The following SH3PXD2B variants were observed in gnomAD, a reference collection of about 807,000 sequenced individuals.
SH3PXD2B encodes SH3 and PX domain-containing protein 2B.
Under a neutral mutation model 73.1 loss-of-function variants are expected in SH3PXD2B, and 37 were observed. The ratio of observed to expected loss-of-function variants is 0.51; its 90% CI spans 0.39 to 0.67. The LOEUF is 0.67. SH3PXD2B is among the 30% of genes least tolerant of loss of function. The pLI is 0.00. For missense variants in SH3PXD2B, 1,053 were observed against 1,197.8 expected (o/e 0.88, Z 1.78); for synonymous variants, 457 against 480.5 (o/e 0.95, Z 0.64).
At chr5:172,397,732 A>G (rs6556022) in intron 3 of SH3PXD2B, among the ~76,000 whole-genome samples, 72,933 of 152,146 alleles carry the variant, frequency 0.48, 18,478 homozygotes, top group East Asian at 0.69. Context: ...GTGGGAACCC[A>G]ATTCCCTTTG....
rs141236241 is a variant in SH3PXD2B at position 172,418,961 on chromosome 5, G to A, written c.156+3455C>T. On this transcript the variant is annotated intron_variant, in intron 2 of 12. Transcript: ENST00000311601. ...AACCCTGGCTCAAGCATTCCCAAAG[G>A]GTATCAGCTTGGGCAAGTCACACCT... Among the ~76,000 whole-genome samples, 24 of 152,262 alleles carry A rather than the reference G, an allele frequency of 1.6e-4. No individual in the cohort carries two copies. The East Asian group carries it at 3.7e-3, about 23-fold the overall frequency.
At chr5:172,400,854 A>G (rs1243228747) in intron 3 of SH3PXD2B, among the ~76,000 whole-genome samples, 1 of 152,228 alleles carries the variant, frequency 6.6e-6, no homozygotes, top group East Asian at 1.9e-4. Flanking sequence ...AGGAATCTGC[A>G]TTCTGGTAAC....
chr5:172,392,139 AGAATAT>A (rs1364553914), intron 4 of SH3PXD2B, among the ~76,000 whole-genome samples: 4 of 151,860 alleles, frequency 2.6e-5, no homozygotes, highest in Non-Finnish European at 5.9e-5. Flanking sequence ...CCAAGCCCCT[AGAATAT>A]GAATATATTT....
At chr5:172,376,106 T>C (rs1262774003) in intron 5 of SH3PXD2B, among the ~76,000 whole-genome samples, 1 of 151,502 alleles carries the variant, frequency 6.6e-6, no homozygotes, top group Non-Finnish European at 1.5e-5. Context: ...CTTGGCTCAC[T>C]GCAACCTCTG....
rs570274984 is a variant in SH3PXD2B at position 172,445,027 on chromosome 5, C to T, written c.75+9251G>A. Among the ~76,000 whole-genome samples the T allele has an allele frequency of 1.3e-4, 20 of 152,288 alleles. No homozygotes were observed. The highest frequency in any genetic ancestry group is 4.8e-4 in the African/African-American group (20 of 41,558). ...CAAACACGCCATGTGCCAGGGTTTCCATTTCTTTGCCCTCCTGTTCTCTCT... is the reference window on the plus strand; with the variant it reads ...CAAACACGCCATGTGCCAGGGTTTCTATTTCTTTGCCCTCCTGTTCTCTCT... On this transcript the variant is annotated intron_variant, in intron 1 of 12. Coordinates refer to ENST00000311601, the MANE Select transcript of SH3PXD2B (RefSeq NM_001017995.3). This position sits in a 1 kb window ranked among gnomAD's most constrained non-coding sequence, Gnocchi z 5.2.
At chr5:172,418,160 T>G (rs1414115157) in intron 2 of SH3PXD2B, among the ~76,000 whole-genome samples, 4 of 152,202 alleles carry the variant, frequency 2.6e-5, no homozygotes. Flanking sequence ...CTGTGTGACT[T>G]CGGGCGAACC....
chr5:172,408,684 GC>G (rs1758620768), intron 2 of SH3PXD2B, among the ~76,000 whole-genome samples: 1 of 151,432 alleles, frequency 6.6e-6, no homozygotes, highest in Non-Finnish European at 1.5e-5. Flanking sequence ...GATTACAGGC[GC>G]CTGCCTAACT....
chr5:172,368,041 T>C (rs959564757), intron 6 of SH3PXD2B, among the ~76,000 whole-genome samples: 1 of 152,224 alleles, frequency 6.6e-6, no homozygotes, highest in African/African-American at 2.4e-5. Context: ...AATTCACTTA[T>C]ATCTTTGGTT....
chr5:172,365,284 C>T (rs1757488947), intron 6 of SH3PXD2B, among the ~76,000 whole-genome samples: 1 of 152,204 alleles, frequency 6.6e-6, no homozygotes, highest in South Asian at 2.1e-4. Flanking sequence ...AACACAGCTG[C>T]CCTGCAAGCT....
In SH3PXD2B at chr5:172,338,303, G is replaced by A; in HGVS notation, c.*66C>T. ...CTGCGTGGAGAATGATAAATTAAGA[G>A]GCGTATTAAATACGTGGGTAAAGCC... On this transcript the variant is annotated 3_prime_UTR_variant, in exon 13 of 13. Transcript: ENST00000311601. This position sits in a 1 kb window ranked among gnomAD's most constrained non-coding sequence, Gnocchi z 5.1. The A allele has an allele frequency of 6.2e-7, 1 of 1,611,842 alleles. No homozygotes were observed. The highest frequency in any genetic ancestry group is 8.5e-7 in the Non-Finnish European group (1 of 1,179,920).
chr5:172,388,654 G>A (rs993570390), intron 4 of SH3PXD2B, among the ~76,000 whole-genome samples: 1 of 152,212 alleles, frequency 6.6e-6, no homozygotes, highest in Non-Finnish European at 1.5e-5. Flanking sequence ...CCAGGAGTTG[G>A]TGAAGCCCTG....
rs375379917 is a variant in SH3PXD2B, at chr5:172,440,785, C to T, written c.75+13493G>A. On this transcript the variant is annotated intron_variant, in intron 1 of 12. Transcript: ENST00000311601. ...AGTCTCAAGACAGCAATGGTGGAAG[C>T]GACAGACTCTGAACTGGACAGACCT... Among the ~76,000 whole-genome samples the T allele has an allele frequency of 5.3e-5, 8 of 152,124 alleles. No homozygotes were observed. The East Asian group carries it at 7.7e-4, about 15-fold the overall frequency.
At chr5:172,374,651 A>G (rs1757784170) in intron 5 of SH3PXD2B, among the ~76,000 whole-genome samples, 2 of 152,308 alleles carry the variant, frequency 1.3e-5, no homozygotes, top group South Asian at 4.1e-4. Context: ...ACTGCACTCT[A>G]GCCTGGGTGA....
Position 172,335,475 on chromosome 5 carries a change from T to A in SH3PXD2B, c.*2894A>T, listed in dbSNP as rs935827171. 7.3e-6 allele frequency: 9 copies of A among 1,231,016 alleles called. No homozygotes were observed. Among genetic ancestry groups the A allele is most frequent in the Non-Finnish European group, 9.1e-6 (9 of 987,832 alleles). 76.3% of individuals were successfully genotyped at this position (1,231,016 alleles called of 1,614,324 possible). A position where few individuals can be genotyped will look rare whatever the true frequency, so the allele number is the denominator to read the frequency against. On this transcript the variant is annotated 3_prime_UTR_variant, in exon 13 of 13. Transcript: ENST00000311601. ...CAAACTCGAGATCTCAGTCCCAGCTTGGCCACTATTTGGACCTTCTCCCTC... is the reference window on the plus strand; with the variant it reads ...CAAACTCGAGATCTCAGTCCCAGCTAGGCCACTATTTGGACCTTCTCCCTC...
intron 12 of SH3PXD2B, among the ~76,000 whole-genome samples, chr5:172,341,521 C>T (rs550791550): frequency 4.6e-5 from 7 of 152,272 alleles, no homozygotes; most frequent in Middle Eastern, 3.4e-3. Context: ...CTTTGCCTTC[C>T]GCCCTGAGTA....
chr5:172,380,252 G>A (rs188628175), intron 5 of SH3PXD2B, among the ~76,000 whole-genome samples: 18 of 152,094 alleles, frequency 1.2e-4, no homozygotes, highest in Admixed American at 3.3e-4. Flanking sequence ...GTAGAGACAG[G>A]ATCTGACTAT....
chr5:172,329,872 C>CTTA (rs1248427979), downstream of SH3PXD2B, among the ~76,000 whole-genome samples: 2 of 152,018 alleles, frequency 1.3e-5, no homozygotes, highest in Non-Finnish European at 2.9e-5. Context: ...GAACCTGGGC[C>CTTA]TTATTAATAA....
At chr5:172,382,183 G>T in intron 4 of SH3PXD2B, 56 bp from the exon 5 acceptor site, 1 of 1,396,512 alleles carries the variant, frequency 7.2e-7, no homozygotes, top group Middle Eastern at 2.3e-4. Context: ...GAGCATGGTG[G>T]CACGCGCCTA....
In SH3PXD2B at chr5:172,350,260, C is replaced by G. The variant is rs760863106; in HGVS notation, c.1012+103G>C. On this transcript the variant is annotated intron_variant, in intron 10 of 12. Transcript: ENST00000311601. ...TTTTCTTATCTGGAGGATGGGGGAG[C>G]AGCTGGGCTGCTGTGAGGATGAGGG... is the stretch of plus-strand genomic sequence containing the variant. 4 of 1,124,592 alleles carry G rather than the reference C, an allele frequency of 3.6e-6. No individual in the cohort carries two copies. The African/African-American group carries it at 6.2e-5, about 17-fold the overall frequency. The allele number at this position is 1,124,592 out of a possible 1,614,324, so 69.7% of individuals were successfully genotyped here.
Sources: gnomAD v4.1 joint callset for allele counts (sites outside exome capture counted in the v4.1 genomes callset) on GRCh38, gnomAD v4.1.1 for gene constraint, Gnocchi (gnomAD v3.1) non-coding constraint, MANE v1.5 for transcripts, NCBI Gene and HGNC (gene_info 2026-07-23, HGNC 2026-07-21) for gene names.